PTPRN2: variants seen among roughly 807,000 people sequenced by gnomAD.
The protein encoded by PTPRN2 is protein tyrosine phosphatase receptor type N2.
In PTPRN2, 74 loss-of-function variants were observed where a neutral mutation model predicts 118.8. That is an observed-to-expected ratio of 0.62 (90% confidence interval 0.52 to 0.76). PTPRN2 has a LOEUF of 0.76. Ranked by LOEUF, PTPRN2 falls within the 30% of genes least tolerant of loss-of-function variation. PTPRN2 has a pLI of 0.00. For synonymous variants in PTPRN2, 641 were observed against 608.0 expected (o/e 1.05, Z -0.80); for missense variants, 1,481 against 1,394.4 (o/e 1.06, Z -0.99).
At chr7:158,477,876 C>T (rs1003087198) in intron 2 of PTPRN2, among the ~76,000 whole-genome samples, 1 of 152,234 alleles carries the variant, frequency 6.6e-6, no homozygotes, top group Non-Finnish European at 1.5e-5. Context: ...CTTTTCAGCC[C>T]CCATGGGGAC....
chr7:158,457,794 C>T lies in PTPRN2; in HGVS notation c.163+31941G>A, dbSNP rs144079581. Among the ~76,000 whole-genome samples, 184 of 148,868 alleles carry T rather than the reference C, an allele frequency of 1.2e-3. 1 individual carries two copies. The highest frequency in any genetic ancestry group is 4.4e-3 in the African/African-American group (171 of 39,068). Reference sequence around the variant, plus strand: ...CGGATGCGCGGCCCCAGTCAGCGCACGGTGAGGGGCGTTAACACCAGACCT... The same window carrying T: ...CGGATGCGCGGCCCCAGTCAGCGCATGGTGAGGGGCGTTAACACCAGACCT... On this transcript the variant is annotated intron_variant, in intron 2 of 22. Coordinates refer to ENST00000389418, the MANE Select transcript of PTPRN2 (RefSeq NM_002847.5).
chr7:157,758,642 T>G (rs1301961619), intron 12 of PTPRN2, among the ~76,000 whole-genome samples: 1 of 152,212 alleles, frequency 6.6e-6, no homozygotes, highest in African/African-American at 2.4e-5. Context: ...AGGACGGGAC[T>G]GGCATGTCTC....
intron 2 of PTPRN2, among the ~76,000 whole-genome samples, chr7:158,431,122 G>C (rs1373915318): frequency 6.6e-6 from 1 of 152,236 alleles, no homozygotes; most frequent in Non-Finnish European, 1.5e-5. Context: ...ATTCTTATCT[G>C]AATGTTTTCA....
At chr7:158,292,438 T>C (rs1278946851) in intron 3 of PTPRN2, among the ~76,000 whole-genome samples, 1 of 152,216 alleles carries the variant, frequency 6.6e-6, no homozygotes, top group African/African-American at 2.4e-5. Context: ...GTGGGTTGCA[T>C]CAGAAAAGAA....
At chr7:157,722,025 C>T (rs919540399) in intron 12 of PTPRN2, among the ~76,000 whole-genome samples, 4 of 152,224 alleles carry the variant, frequency 2.6e-5, no homozygotes, top group East Asian at 1.9e-4. Flanking sequence ...GCTTCAGTCT[C>T]GCCCCCCACC....
intron 11 of PTPRN2, among the ~76,000 whole-genome samples, chr7:158,071,597 C>CGTGGTGGTGGAGGTG (rs1563392281): frequency 4.4e-5 from 1 of 22,988 alleles, no homozygotes; most frequent in Non-Finnish European, 7.7e-5. Context: ...TGGAGGTGCT[C>CGTGGTGGTGGAGGTG]CTGGTGGAGG....
intron 9 of PTPRN2, among the ~76,000 whole-genome samples, chr7:158,131,141 TACAC>T (rs766225952): frequency 1.3e-5 from 1 of 76,662 alleles, no homozygotes; most frequent in East Asian, 4.3e-4. Flanking sequence ...CATACACACA[TACAC>T]ACACAAATAC....
chr7:157,814,961 C>T (rs968099660), intron 12 of PTPRN2, among the ~76,000 whole-genome samples: 8 of 152,178 alleles, frequency 5.3e-5, no homozygotes, highest in African/African-American at 1.7e-4. Flanking sequence ...CGTGGTCACC[C>T]GTGCATGGTG....
At chr7:158,520,700 A>AT (rs1274823486) in intron 1 of PTPRN2, among the ~76,000 whole-genome samples, 1 of 152,106 alleles carries the variant, frequency 6.6e-6, no homozygotes, top group African/African-American at 2.4e-5. Context: ...TAACTCCTGG[A>AT]TTTTTTTCAA....
rs1407315507 is a variant in PTPRN2, at chr7:157,763,565, G to A, written c.1789-80628C>T. ...GAGCCTCCACCTCCTTTTCAGAGTT[G>A]GGAGCAGCTGCCCCCCTGGCCATGG... is the stretch of plus-strand genomic sequence containing the variant. On this transcript the variant is annotated intron_variant, in intron 12 of 22. Coordinates refer to ENST00000389418, the MANE Select transcript of PTPRN2 (RefSeq NM_002847.5). The surrounding 1 kb of genome is among the most constrained non-coding windows in gnomAD (Gnocchi z 4.9). Among the ~76,000 whole-genome samples, 1 of 152,102 alleles carries A rather than the reference G, an allele frequency of 6.6e-6. No homozygotes were observed. Among genetic ancestry groups the A allele is most frequent in the African/African-American group, 2.4e-5 (1 of 41,458 alleles).
intron 13 of PTPRN2, among the ~76,000 whole-genome samples, chr7:157,679,722 G>T (rs7799487): frequency 0.062 from 9,420 of 152,250 alleles, 486 homozygotes; most frequent in East Asian, 0.13. Context: ...GGGCTGGGGG[G>T]TTCTGTACAA....
intron 11 of PTPRN2, among the ~76,000 whole-genome samples, chr7:157,900,993 C>T (rs1188499004): frequency 6.6e-6 from 1 of 152,238 alleles, no homozygotes; most frequent in Non-Finnish European, 1.5e-5. Context: ...GTCCTGCAGG[C>T]TGCACAAGAA....
intron 2 of PTPRN2, among the ~76,000 whole-genome samples, chr7:158,432,441 A>G (rs971331977): frequency 7.9e-5 from 12 of 152,286 alleles, no homozygotes; most frequent in South Asian, 4.1e-4. Flanking sequence ...GTCGTCTTGG[A>G]ACAGTGTTCA....
At chr7:158,538,832 G>A (rs1825802109) in intron 1 of PTPRN2, among the ~76,000 whole-genome samples, 1 of 152,118 alleles carries the variant, frequency 6.6e-6, no homozygotes, top group Non-Finnish European at 1.5e-5. Flanking sequence ...CCAACAACAG[G>A]CCCCGGAGCT....
At chr7:158,556,016 T>G (rs1045130321) in intron 1 of PTPRN2, among the ~76,000 whole-genome samples, 5 of 152,164 alleles carry the variant, frequency 3.3e-5, no homozygotes, top group African/African-American at 1.2e-4. Context: ...CAACAGATGG[T>G]TGTCATAGAT....
At chr7:158,242,014 C>T (rs1377144488) in intron 3 of PTPRN2, among the ~76,000 whole-genome samples, 1 of 152,168 alleles carries the variant, frequency 6.6e-6, no homozygotes, top group Non-Finnish European at 1.5e-5. Flanking sequence ...TGCTGTGGAG[C>T]CTTGTTTGCT....
At chr7:158,168,610 C>T (rs1373025665) in intron 5 of PTPRN2, among the ~76,000 whole-genome samples, 2 of 152,226 alleles carry the variant, frequency 1.3e-5, no homozygotes, top group Admixed American at 6.5e-5. Flanking sequence ...GCTGCCTGCT[C>T]TTTTAACTGC....
chr7:158,052,195 GA>G (rs1201090541), intron 11 of PTPRN2, among the ~76,000 whole-genome samples: 1 of 152,234 alleles, frequency 6.6e-6, no homozygotes, highest in African/African-American at 2.4e-5. Flanking sequence ...TCTACGGGAG[GA>G]AATGTTTTTG....
chr7:157,993,426 C>CT (rs1159026013), intron 11 of PTPRN2, among the ~76,000 whole-genome samples: 1 of 151,904 alleles, frequency 6.6e-6, no homozygotes, highest in African/African-American at 2.4e-5. Flanking sequence ...ACCCCATGTG[C>CT]TTTTTTTTCC....
Sources: allele counts gnomAD v4.1 joint callset (sites outside exome capture counted in the v4.1 genomes callset), GRCh38; gene constraint gnomAD v4.1.1; non-coding constraint Gnocchi (gnomAD v3.1); transcripts MANE v1.5; gene names NCBI Gene and HGNC (gene_info 2026-07-23, HGNC 2026-07-21).